SSBP3: variants seen among roughly 807,000 people sequenced by gnomAD.
SSBP3 encodes the protein single stranded DNA binding protein 3, also known as single-stranded DNA-binding protein 3.
Under a neutral mutation model 69.6 loss-of-function variants are expected in SSBP3, and 5 were observed. The observed-to-expected ratio is 0.07, with a 90% CI of 0.04 to 0.15. The LOEUF (loss-of-function observed/expected upper bound fraction) is 0.15, where lower values mean the gene tolerates loss of function less well. SSBP3 is among the 10% of genes least tolerant of loss of function. The pLI is 1.00. For synonymous variants in SSBP3, 196 were observed against 193.4 expected (o/e 1.01, Z -0.11); for missense variants, 312 against 534.0 (o/e 0.58, Z 4.10).
At chr1:54,270,371 T>G (rs943132847) in intron 5 of SSBP3, among the ~76,000 whole-genome samples, 10 of 152,036 alleles carry the variant, frequency 6.6e-5, no homozygotes, top group African/African-American at 2.4e-4. Context: ...CCCCGGCAGC[T>G]CCTGTGCGGT....
intron 4 of SSBP3, among the ~76,000 whole-genome samples, chr1:54,377,314 C>T (rs762155718): frequency 3.3e-5 from 5 of 151,960 alleles, no homozygotes; most frequent in Admixed American, 6.5e-5. Flanking sequence ...AAGGTTACTC[C>T]GTAAACCCGA....
intron 7 of SSBP3, among the ~76,000 whole-genome samples, chr1:54,256,557 A>G (rs1233046843): frequency 1.3e-5 from 2 of 152,102 alleles, no homozygotes; most frequent in Non-Finnish European, 2.9e-5. Flanking sequence ...TTTTCTAATT[A>G]CACGAACAAA....
chr1:54,292,710 A>C (rs1231483700), intron 4 of SSBP3, among the ~76,000 whole-genome samples: 1 of 152,176 alleles, frequency 6.6e-6, no homozygotes, highest in African/African-American at 2.4e-5. Flanking sequence ...TGCCAAAGCA[A>C]GGGAATGCTA....
rs144447462 is a variant in SSBP3, at chr1:54,390,100, T to A, written c.276+11761A>T. On this transcript the variant is annotated intron_variant, in intron 4 of 17. Coordinates refer to ENST00000610401, the Ensembl canonical transcript of SSBP3. Reference sequence around the variant, plus strand: ...ACTCAATAATTGTTTGCTATTGTTATCAGTTCTTCCGTCACGAAATGGGAG... The same window carrying A: ...ACTCAATAATTGTTTGCTATTGTTAACAGTTCTTCCGTCACGAAATGGGAG... Among the ~76,000 whole-genome samples the A allele has an allele frequency of 3.8e-3, 584 of 152,278 alleles. 4 individuals carry two copies. Among genetic ancestry groups the A allele is most frequent in the African/African-American group, 0.013 (554 of 41,560 alleles).
intron 4 of SSBP3, among the ~76,000 whole-genome samples, chr1:54,298,666 T>A (rs1005104829): frequency 1.3e-5 from 2 of 152,000 alleles, no homozygotes. Flanking sequence ...AACACCTGCT[T>A]TCCATCTCTA....
chr1:54,245,842 TG>T (rs1644725676), intron 9 of SSBP3, among the ~76,000 whole-genome samples: 1 of 152,254 alleles, frequency 6.6e-6, no homozygotes, highest in African/African-American at 2.4e-5. Flanking sequence ...CTGGTGACTT[TG>T]GGCAAATTAC....
intron 4 of SSBP3, among the ~76,000 whole-genome samples, chr1:54,314,322 T>TA (rs1007747783): frequency 3.0e-4 from 46 of 152,324 alleles, no homozygotes; most frequent in African/African-American, 1.1e-3. Context: ...TCTGAGGACC[T>TA]ACCATGTAGC....
intron 4 of SSBP3, among the ~76,000 whole-genome samples, chr1:54,359,208 C>CAAAAAAAA (rs56901465): frequency 1.3e-5 from 1 of 75,446 alleles, no homozygotes; most frequent in East Asian, 4.0e-4. Flanking sequence ...ACCCTCCCCT[C>CAAAAAAAA]AAAAAAAAAA....
intron 4 of SSBP3, among the ~76,000 whole-genome samples, chr1:54,354,701 T>A (rs932634204): frequency 6.6e-6 from 1 of 151,624 alleles, no homozygotes; most frequent in Admixed American, 6.6e-5. Context: ...CCCTCACAAA[T>A]CCCAGGAACA....
intron 4 of SSBP3, among the ~76,000 whole-genome samples, chr1:54,288,785 A>G (rs948569826): frequency 1.3e-5 from 2 of 152,054 alleles, no homozygotes; most frequent in Non-Finnish European, 2.9e-5. Context: ...CTGGGAGGCC[A>G]AGGTGGGCGG....
intron 5 of SSBP3, among the ~76,000 whole-genome samples, chr1:54,278,382 G>A (rs1490316310): frequency 6.6e-6 from 1 of 151,228 alleles, no homozygotes; most frequent in African/African-American, 2.4e-5. Flanking sequence ...CCATCTCCCT[G>A]CCAGCCCTTA....
intron 4 of SSBP3, among the ~76,000 whole-genome samples, chr1:54,294,187 GAAAGAAAA>G (rs1216830923): frequency 1.5e-3 from 158 of 106,148 alleles, no homozygotes; most frequent in African/African-American, 5.6e-3. Flanking sequence ...AAGAAAGAAA[GAAAGAAAA>G]GAAAAAAGAA....
chr1:54,406,295 C>T (rs1570085244), exon 1 of SSBP3: 1 of 251,844 alleles, frequency 4.0e-6, no homozygotes, highest in Non-Finnish European at 7.4e-6. Context: ...GCACGGCCGC[C>T]CGCTCTCCGC....
chr1:54,289,909 C>A (rs1404159271), intron 4 of SSBP3, among the ~76,000 whole-genome samples: 1 of 152,130 alleles, frequency 6.6e-6, no homozygotes, highest in Non-Finnish European at 1.5e-5. Context: ...AGAGAAGGCT[C>A]ACTGTCCCCA....
At chr1:54,287,730 C>T (rs1045071954) in intron 4 of SSBP3, among the ~76,000 whole-genome samples, 3 of 152,008 alleles carry the variant, frequency 2.0e-5, no homozygotes, top group African/African-American at 2.4e-5. Context: ...TGGAAGCGAC[C>T]GGGGGAATGT....
chr1:54,244,056 T>C (rs531934844), intron 9 of SSBP3, among the ~76,000 whole-genome samples: 3 of 151,776 alleles, frequency 2.0e-5, no homozygotes, highest in African/African-American at 7.2e-5. Flanking sequence ...GAGCCTCTCA[T>C]GTAGTTGGGA....
At chr1:54,296,457 G>C (rs1645705235) in intron 4 of SSBP3, among the ~76,000 whole-genome samples, 2 of 152,186 alleles carry the variant, frequency 1.3e-5, no homozygotes, top group African/African-American at 4.8e-5. Flanking sequence ...GCCAAGACAG[G>C]AATTATTAAT....
At chr1:54,255,980 G>A (rs1644913878) in intron 7 of SSBP3, among the ~76,000 whole-genome samples, 1 of 152,092 alleles carries the variant, frequency 6.6e-6, no homozygotes, top group African/African-American at 2.4e-5. Flanking sequence ...GCTGAGGCAG[G>A]AGAACTGCTT....
intron 4 of SSBP3, among the ~76,000 whole-genome samples, chr1:54,316,724 TAAAA>T (rs1646121595): frequency 6.9e-6 from 1 of 144,828 alleles, no homozygotes; most frequent in Non-Finnish European, 1.5e-5. Context: ...TAAAATAAAA[TAAAA>T]TAAAAATGTC....
Sources: gnomAD v4.1 joint callset for allele counts (sites outside exome capture counted in the v4.1 genomes callset) on GRCh38, gnomAD v4.1.1 for gene constraint, MANE v1.5 for transcripts, NCBI Gene and HGNC (gene_info 2026-07-23, HGNC 2026-07-21) for gene names.